The following SRC variants were observed in gnomAD, a reference collection of about 807,000 sequenced individuals.
The protein encoded by SRC is proto-oncogene tyrosine-protein kinase Src.
A neutral mutation model predicts 62.9 loss-of-function variants in SRC; 13 were observed. That is an observed-to-expected ratio of 0.21 (90% CI 0.13 to 0.33). The LOEUF (loss-of-function observed/expected upper bound fraction) is 0.33, where lower values mean the gene tolerates loss of function less well. Among genes scored for constraint, SRC ranks in the 10% least tolerant of loss-of-function variants. The pLI is 1.00. For missense variants in SRC, 457 were observed against 737.3 expected (o/e 0.62, Z 4.40); for synonymous variants, 302 against 317.5 (o/e 0.95, Z 0.52).
Position 37,394,223 on chromosome 20 carries a change from A to G in SRC, c.499A>G (p.Asn167Asp). 1 of 1,614,088 alleles carries G rather than the reference A, an allele frequency of 6.2e-7. No homozygotes were observed. Among genetic ancestry groups the G allele is most frequent in the African/African-American group, 1.3e-5 (1 of 75,076 alleles). ...TRRESERLLL[N>D]AENPRGTFLV... ...ACGGGAGTCAGAGCGGTTACTGCTCAATGCAGAGAACCCGAGAGGGACCTT... is the reference window on the plus strand; with the variant it reads ...ACGGGAGTCAGAGCGGTTACTGCTCGATGCAGAGAACCCGAGAGGGACCTT... Residue 167 changes from asparagine to aspartate, a missense_variant, in exon 7 of 14, where the codon AAT becomes GAT. This residue lies in a region of SRC where 141 missense variants were observed against 198.4 expected (regional missense o/e 0.71). Coordinates refer to ENST00000373578, the MANE Select transcript of SRC (RefSeq NM_198291.3).
intron 5 of SRC, among the ~76,000 whole-genome samples, chr20:37,390,128 G>A (rs546862815): frequency 3.3e-5 from 5 of 152,136 alleles, no homozygotes; most frequent in East Asian, 1.9e-4. Context: ...CCAGCATGAC[G>A]CTCACTGTTT....
chr20:37,356,649 G>A (rs1414356338), intron 1 of SRC, among the ~76,000 whole-genome samples: 2 of 152,218 alleles, frequency 1.3e-5, no homozygotes, highest in East Asian at 1.9e-4. Context: ...AAGGCGCCTG[G>A]GGCATTGGGC....
rs2070651472 is a variant in SRC, at chr20:37,396,382, G to A, written c.703+71G>A. ...CTGCAGACTCTGGGGAGGGGCCTTG[G>A]AGCCTAGAAGGGTGGGGACTTCTGT... On this transcript the variant is annotated intron_variant, in intron 8 of 13. Coordinates refer to ENST00000373578, the MANE Select transcript of SRC (RefSeq NM_198291.3). This position sits in a 1 kb window ranked among gnomAD's most constrained non-coding sequence, Gnocchi z 6.1. The A allele has an allele frequency of 6.3e-7, 1 of 1,575,486 alleles. No individual in the cohort carries two copies. Among genetic ancestry groups the A allele is most frequent in the Non-Finnish European group, 8.6e-7 (1 of 1,161,068 alleles).
Position 37,384,237 on chromosome 20 carries a change from CG to C in SRC, c.89del (p.Gly30AlafsTer57). The C allele has an allele frequency of 6.4e-7, 1 of 1,572,010 alleles. No individual in the cohort carries two copies. Among genetic ancestry groups the C allele is most frequent in the Non-Finnish European group, 8.6e-7 (1 of 1,166,544 alleles). ...EPAENVHGAGGGAFPASQTPS... is the reference protein window; with the variant it reads ...EPAENVHGAGXGAFPASQTPS... ...CCGCCGAGAACGTGCACGGCGCTGGCGGGGGCGCTTTCCCCGCCTCGCAGAC... is the reference window on the plus strand; with the variant it reads ...CCGCCGAGAACGTGCACGGCGCTGGCGGGGCGCTTTCCCCGCCTCGCAGAC... On this transcript the variant is annotated frameshift_variant, in exon 4 of 14. Coordinates refer to ENST00000373578, the MANE Select transcript of SRC (RefSeq NM_198291.3). LOFTEE classifies it high-confidence loss of function. The surrounding 1 kb of genome is among the most constrained non-coding windows in gnomAD (Gnocchi z 6.7).
rs2070777556 is a variant in SRC at position 37,403,576 on chromosome 20, C to T, written c.*197C>T. On this transcript the variant is annotated 3_prime_UTR_variant, in exon 14 of 14. Transcript: ENST00000373578. The surrounding 1 kb of genome is among the most constrained non-coding windows in gnomAD (Gnocchi z 7.1). ...GTGGCCTGAGAGGGCGGTGGGTATGCGAGACCAGCACGGTGACTCTGTCCA... is the reference window on the plus strand; with the variant it reads ...GTGGCCTGAGAGGGCGGTGGGTATGTGAGACCAGCACGGTGACTCTGTCCA... 6 of 620,670 alleles carry T rather than the reference C, an allele frequency of 9.7e-6. No individual in the cohort carries two copies. The highest frequency in any genetic ancestry group is 2.8e-5 in the East Asian group (1 of 36,064). The allele number at this position is 620,670 out of a possible 1,614,324, so 38.4% of individuals were successfully genotyped here.
Position 37,402,866 on chromosome 20 carries a change from G to A in SRC, c.1388G>A (p.Arg463Gln), listed in dbSNP as rs752182272. The change falls in exon 13 of 14, where the codon CGG becomes CAG. Residue 463 changes from arginine to glutamine, a missense_variant. Transcript: ENST00000373578. The surrounding 1 kb of genome is among the most constrained non-coding windows in gnomAD (Gnocchi z 6.2). ...ILLTELTTKGRVPYPGMVNRE... is the reference protein window; with the variant it reads ...ILLTELTTKGQVPYPGMVNRE... ...CTGACTGAGCTCACCACAAAGGGACGGGTGCCCTACCCTGGTAAGAAGGTC... is the reference window on the plus strand; with the variant it reads ...CTGACTGAGCTCACCACAAAGGGACAGGTGCCCTACCCTGGTAAGAAGGTC... 3.7e-6 allele frequency: 6 copies of A among 1,613,910 alleles called. No homozygotes were observed. Among genetic ancestry groups the A allele is most frequent in the Non-Finnish European group, 4.2e-6 (5 of 1,179,908 alleles).
intron 2 of SRC, among the ~76,000 whole-genome samples, chr20:37,375,803 A>G (rs1428769003): frequency 2.6e-5 from 4 of 152,222 alleles, no homozygotes; most frequent in African/African-American, 9.6e-5. Context: ...ATGAACATTT[A>G]TTTCTCACAG....
intron 2 of SRC, among the ~76,000 whole-genome samples, chr20:37,367,428 A>T (rs913382398): frequency 2.0e-5 from 3 of 151,894 alleles, no homozygotes; most frequent in African/African-American, 7.3e-5. Context: ...GCATCTTTTC[A>T]TGTGCTTATT....
At chr20:37,372,875 T>G (rs1485771540) in intron 2 of SRC, among the ~76,000 whole-genome samples, 2 of 152,186 alleles carry the variant, frequency 1.3e-5, no homozygotes, top group Non-Finnish European at 2.9e-5. Context: ...TTGAACTTGT[T>G]TATGATGTCT....
intron 1 of SRC, among the ~76,000 whole-genome samples, chr20:37,357,250 G>C (rs1204188190): frequency 1.3e-5 from 2 of 152,240 alleles, no homozygotes; most frequent in Non-Finnish European, 2.9e-5. Flanking sequence ...AGACACAGAG[G>C]GTGGGAAACG....
chr20:37,402,700 CG>C lies in SRC; in HGVS notation c.1271-47del. On this transcript the variant is annotated intron_variant, in intron 12 of 13. Coordinates refer to ENST00000373578, the MANE Select transcript of SRC (RefSeq NM_198291.3). The surrounding 1 kb of genome is among the most constrained non-coding windows in gnomAD (Gnocchi z 6.2). ...TCCTCATGGTGCTTATCTAGCAGAG[CG>C]GTCATGACAGGAGGTCAGAGCTGCC... 1 of 1,579,752 alleles carries C rather than the reference CG, an allele frequency of 6.3e-7. No homozygotes were observed.
rs1372004512 is a variant in SRC at position 37,397,918 on chromosome 20, C to A, written c.859+64C>A. On this transcript the variant is annotated intron_variant, in intron 9 of 13. Transcript: ENST00000373578. The surrounding 1 kb of genome is among the most constrained non-coding windows in gnomAD (Gnocchi z 4.1). ...CCCCACCCCGTGTGGCAGCTCCGGG[C>A]TCCCTTGGTCCCTTTGCCTTTAGCT... 6.6e-6 allele frequency: 10 copies of A among 1,525,526 alleles called. No individual in the cohort carries two copies. The highest frequency in any genetic ancestry group is 8.8e-6 in the Non-Finnish European group (10 of 1,137,814). The allele number at this position is 1,525,526 out of a possible 1,614,324, so 94.5% of individuals were successfully genotyped here.
At chr20:37,391,826 C>G (rs942111793) in intron 5 of SRC, among the ~76,000 whole-genome samples, 3 of 152,112 alleles carry the variant, frequency 2.0e-5, no homozygotes, top group African/African-American at 7.2e-5. Context: ...TGCACTCCAG[C>G]CTGGGTGATA....
chr20:37,405,981 A>G lies in SRC; in HGVS notation c.*2602A>G, dbSNP rs189384917. The G allele has an allele frequency of 9.6e-4, 146 of 152,368 alleles. No homozygotes were observed. The highest frequency in any genetic ancestry group is 3.4e-3 in the African/African-American group (142 of 41,536). 9.4% of individuals were successfully genotyped at this position (152,368 alleles called of 1,614,324 possible). On this transcript the variant is annotated 3_prime_UTR_variant, in exon 14 of 14. Coordinates refer to ENST00000373578, the MANE Select transcript of SRC (RefSeq NM_198291.3). ...ATTTTACACAAATATACATCAGATCACACACCTGTGCACCGGAGTCAACTC... is the reference window on the plus strand; with the variant it reads ...ATTTTACACAAATATACATCAGATCGCACACCTGTGCACCGGAGTCAACTC...
rs754248571 is a variant in SRC, at chr20:37,384,396, G to A, written c.243G>A (p.Pro81=). 1.4e-6 allele frequency: 2 copies of A among 1,422,124 alleles called. No individual in the cohort carries two copies. The highest frequency in any genetic ancestry group is 1.8e-6 in the Non-Finnish European group (2 of 1,093,266). 88.1% of individuals were successfully genotyped at this position (1,422,124 alleles called of 1,614,324 possible). The change falls in exon 4 of 14, where the codon CCG becomes CCA. Residue 81 remains proline, a synonymous_variant. Coordinates refer to ENST00000373578, the MANE Select transcript of SRC (RefSeq NM_198291.3). This position sits in a 1 kb window ranked among gnomAD's most constrained non-coding sequence, Gnocchi z 6.7. The stretch of plus-strand genomic sequence containing the variant: ...TCACCTCCCCGCAGAGGGCGGGCCC[G>A]CTGGCCGGTCAGTGCGCGGGCGGCG... ...DTVTSPQRAG[P]LAGGVTTFVA...
chr20:37,398,449 A>G lies in SRC; in HGVS notation c.859+595A>G, dbSNP rs560164671. Among the ~76,000 whole-genome samples the G allele has an allele frequency of 3.0e-4, 45 of 152,310 alleles. 1 individual carries two copies. The highest frequency in any genetic ancestry group is 6.2e-4 in the Non-Finnish European group (42 of 68,010). On this transcript the variant is annotated intron_variant, in intron 9 of 13. Transcript: ENST00000373578. The surrounding 1 kb of genome is among the most constrained non-coding windows in gnomAD (Gnocchi z 5.2). ...AGGGTGGAGGAGAGACGGCGGTTGTAACCCCGTAAGCCCATGGTGCTAGCG... is the reference window on the plus strand; with the variant it reads ...AGGGTGGAGGAGAGACGGCGGTTGTGACCCCGTAAGCCCATGGTGCTAGCG...
chr20:37,389,726 C>G (rs1040731047), intron 5 of SRC, among the ~76,000 whole-genome samples: 1 of 152,170 alleles, frequency 6.6e-6, no homozygotes, highest in African/African-American at 2.4e-5. Context: ...CCCTGGCTGG[C>G]CCCAAGGATT....
intron 1 of SRC, among the ~76,000 whole-genome samples, chr20:37,363,998 T>C (rs2070022515): frequency 6.6e-6 from 1 of 151,692 alleles, no homozygotes; most frequent in Admixed American, 6.6e-5. Flanking sequence ...CCCACCGCCT[T>C]CCCCCTCCAT....
rs374328272 is a variant in SRC at position 37,365,769 on chromosome 20, A to G, written c.-173+492A>G. ...CAGCCAGTTATTTATTTTTTTGTAG[A>G]GACAGAGTCTCACTATGTTGCCTAG... On this transcript the variant is annotated intron_variant, in intron 2 of 13. Transcript: ENST00000373578. Among the ~76,000 whole-genome samples, 314 of 152,196 alleles carry G rather than the reference A, an allele frequency of 2.1e-3. 2 individuals are homozygous for G. The highest frequency in any genetic ancestry group is 7.4e-3 in the African/African-American group (307 of 41,524).
Sources: allele counts gnomAD v4.1 joint callset (sites outside exome capture counted in the v4.1 genomes callset), GRCh38; gene constraint gnomAD v4.1.1; regional missense constraint gnomAD v4.1.1; non-coding constraint Gnocchi (gnomAD v3.1); transcripts MANE v1.5; gene names NCBI Gene and HGNC (gene_info 2026-07-23, HGNC 2026-07-21).